Variants in PRLR observed in about 807,000 individuals in gnomAD.
PRLR encodes the protein hPRL receptor.
PRLR carries 13 observed loss-of-function variants against 40.2 expected under a neutral mutation model. That is an observed-to-expected ratio of 0.32 (90% CI 0.21 to 0.51). PRLR has a LOEUF of 0.51. PRLR is among the 20% of genes least tolerant of loss of function. The pLI is 0.97. For missense variants in PRLR, 656 were observed against 747.3 expected (o/e 0.88, Z 1.42); for synonymous variants, 269 against 278.7 (o/e 0.97, Z 0.35).
At position 35,078,360 on chromosome 5, in the gene PRLR, GA is replaced by G. The variant is rs1305833498; in HGVS notation, c.374-5617del. Among the ~76,000 whole-genome samples the G allele has an allele frequency of 7.2e-5, 11 of 152,202 alleles. No homozygotes were observed. In the East Asian group the frequency reaches 2.1e-3, roughly 29 times the overall value. On this transcript the variant is annotated intron_variant, in intron 5 of 9. Transcript: ENST00000618457. ...AAATGAAATACATGCAATAAAAAAT[GA>G]TAAAGGGGATATCACCACCAATCCC...
chr5:35,119,587 C>T (rs1483786152), intron 1 of PRLR, among the ~76,000 whole-genome samples: 3 of 152,028 alleles, frequency 2.0e-5, no homozygotes, highest in African/African-American at 2.4e-5. Flanking sequence ...GTCTGGGGCA[C>T]GTTTCTTAGG....
At chr5:35,049,593 A>C (rs936224618) in intron 8 of PRLR, among the ~76,000 whole-genome samples, 8 of 152,240 alleles carry the variant, frequency 5.3e-5, no homozygotes, top group Non-Finnish European at 8.8e-5. Context: ...AACAAACCTG[A>C]CCATTATATT....
chr5:35,126,109 A>G (rs1258799848), intron 1 of PRLR, among the ~76,000 whole-genome samples: 6 of 152,328 alleles, frequency 3.9e-5, no homozygotes, highest in Admixed American at 2.6e-4. Context: ...ATTTTTCCCA[A>G]GGCTAATTTA....
chr5:35,222,233 G>A (rs1052202145), intron 1 of PRLR, among the ~76,000 whole-genome samples: 8 of 152,138 alleles, frequency 5.3e-5, no homozygotes, highest in African/African-American at 1.9e-4. Flanking sequence ...AACCCGGGAG[G>A]CAGAGGTTGC....
At chr5:35,224,791 T>G (rs1316517639) in intron 1 of PRLR, among the ~76,000 whole-genome samples, 4 of 152,206 alleles carry the variant, frequency 2.6e-5, no homozygotes, top group African/African-American at 7.2e-5. Flanking sequence ...AATCCAGGTC[T>G]TTGCTCTTCA....
At chr5:35,137,743 T>C (rs936242353) in intron 1 of PRLR, among the ~76,000 whole-genome samples, 4 of 152,176 alleles carry the variant, frequency 2.6e-5, no homozygotes, top group African/African-American at 9.7e-5. Flanking sequence ...GAAGGACACA[T>C]GCATTTTAGT....
chr5:35,110,841 G>A (rs747633920), intron 2 of PRLR, among the ~76,000 whole-genome samples: 49 of 152,156 alleles, frequency 3.2e-4, no homozygotes, highest in Admixed American at 7.2e-4. Context: ...ACAGAAAGCT[G>A]GGCTGCTTCT....
intron 1 of PRLR, among the ~76,000 whole-genome samples, chr5:35,156,293 C>T (rs1398138321): frequency 2.6e-5 from 4 of 152,014 alleles, no homozygotes; most frequent in South Asian, 2.1e-4. Context: ...CTTGCACCAC[C>T]GAGGTCTAAG....
chr5:35,052,421 C>T (rs1768525144), downstream of PRLR, among the ~76,000 whole-genome samples: 1 of 152,062 alleles, frequency 6.6e-6, no homozygotes, highest in Admixed American at 6.5e-5. Flanking sequence ...TGTTAGCAAA[C>T]TAGAAATATA....
rs1433901841 is a variant in PRLR at position 35,105,534 on chromosome 5, A to G, written c.-44+12527T>C. 2.0e-5 allele frequency among the ~76,000 whole-genome samples: 3 copies of G among 152,334 alleles called. No individual in the cohort carries two copies. In the East Asian group the frequency reaches 5.8e-4, roughly 29 times the overall value. On this transcript the variant is annotated intron_variant, in intron 2 of 9. Coordinates refer to ENST00000618457, the MANE Select transcript of PRLR (RefSeq NM_000949.7). ...AAACAGTGTATAGAGAAGACCTTAAATGACCTGATGAAGCTGAAAACCATG... is the reference window on the plus strand; with the variant it reads ...AAACAGTGTATAGAGAAGACCTTAAGTGACCTGATGAAGCTGAAAACCATG...
intron 1 of PRLR, among the ~76,000 whole-genome samples, chr5:35,134,460 T>C (rs2111791089): frequency 6.6e-6 from 1 of 152,290 alleles, no homozygotes. Context: ...GGGTCCAAAG[T>C]TGTGTTTGGA....
intron 1 of PRLR, among the ~76,000 whole-genome samples, chr5:35,118,578 A>G (rs1208616319): frequency 6.6e-6 from 1 of 152,158 alleles, no homozygotes; most frequent in Non-Finnish European, 1.5e-5. Context: ...ATTATTACCT[A>G]ATCTATAGAG....
chr5:35,104,988 C>T (rs1428564097), intron 2 of PRLR, among the ~76,000 whole-genome samples: 2 of 152,202 alleles, frequency 1.3e-5, no homozygotes, highest in Admixed American at 6.5e-5. Context: ...CCGACTGACA[C>T]CTCATACACG....
chr5:35,118,149 C>T (rs1042409845), intron 1 of PRLR, 27 bp from the exon 2 acceptor site: 12 of 975,138 alleles, frequency 1.2e-5, no homozygotes, highest in Non-Finnish European at 1.5e-5. Context: ...TTCATTTTAG[C>T]TCCAAGATGA....
chr5:35,110,809 G>A (rs1772610954), intron 2 of PRLR, among the ~76,000 whole-genome samples: 1 of 152,176 alleles, frequency 6.6e-6, no homozygotes, highest in African/African-American at 2.4e-5. Context: ...AGAAACAATA[G>A]GAATTGCCAC....
intron 1 of PRLR, among the ~76,000 whole-genome samples, chr5:35,198,363 G>A (rs954370320): frequency 2.6e-5 from 4 of 152,194 alleles, no homozygotes; most frequent in African/African-American, 9.6e-5. Context: ...TGACTCTATG[G>A]AGCATTGCCC....
At chr5:35,196,466 G>T (rs893801666) in intron 1 of PRLR, among the ~76,000 whole-genome samples, 4 of 152,218 alleles carry the variant, frequency 2.6e-5, no homozygotes, top group African/African-American at 9.6e-5. Context: ...GGCCAACTAA[G>T]ACTCTTAAAG....
chr5:35,059,823 GTCA>G lies in PRLR; in HGVS notation c.*5263_*5265del, dbSNP rs1020308714. The G allele has an allele frequency of 2.6e-5, 4 of 152,116 alleles. No individual in the cohort carries two copies. The highest frequency in any genetic ancestry group is 9.7e-5 in the African/African-American group (4 of 41,410). The allele number at this position is 152,116 out of a possible 1,614,324, so 9.4% of individuals were successfully genotyped here. A position where few individuals can be genotyped will look rare whatever the true frequency, so the allele number is the denominator to read the frequency against. On this transcript the variant is annotated 3_prime_UTR_variant, in exon 10 of 10. Coordinates refer to ENST00000618457, the MANE Select transcript of PRLR (RefSeq NM_000949.7). ...TTCTCCTTCAGACCTCCAGTATCTAGTCATCGAAGTAACTTGGGTTTATTTATT... is the reference window on the plus strand; with the variant it reads ...TTCTCCTTCAGACCTCCAGTATCTAGTCGAAGTAACTTGGGTTTATTTATT...
At chr5:35,099,285 C>T (rs907631574) in intron 2 of PRLR, among the ~76,000 whole-genome samples, 1 of 152,128 alleles carries the variant, frequency 6.6e-6, no homozygotes, top group African/African-American at 2.4e-5. Context: ...GGTGGTGGTC[C>T]TATAAGATGA....
Sources: gnomAD v4.1 joint callset for allele counts (sites outside exome capture counted in the v4.1 genomes callset) on GRCh38, gnomAD v4.1.1 for gene constraint, MANE v1.5 for transcripts, NCBI Gene and HGNC (gene_info 2026-07-23, HGNC 2026-07-21) for gene names.